Variants in NRCAM observed in about 807,000 individuals in gnomAD.
NRCAM encodes neuronal cell adhesion molecule.
NRCAM carries 83 observed loss-of-function variants against 156.5 expected under a neutral mutation model. The observed-to-expected ratio is 0.53, with a 90% CI of 0.44 to 0.64. The LOEUF (loss-of-function observed/expected upper bound fraction) is 0.64. Ranked by LOEUF, NRCAM falls within the 30% of genes least tolerant of loss-of-function variation. NRCAM has a pLI of 0.00. For synonymous variants in NRCAM, 538 were observed against 563.9 expected (o/e 0.95, Z 0.65); for missense variants, 1,417 against 1,597.3 (o/e 0.89, Z 1.92).
chr7:108,204,864 G>A (rs1383716486), intron 13 of NRCAM, among the ~76,000 whole-genome samples: 2 of 152,096 alleles, frequency 1.3e-5, no homozygotes, highest in African/African-American at 4.8e-5. Context: ...GACAATTTAG[G>A]GTTACAAGAG....
At chr7:108,174,551 T>A (rs557149399) in intron 28 of NRCAM, among the ~76,000 whole-genome samples, 1 of 152,232 alleles carries the variant, frequency 6.6e-6, no homozygotes, top group Admixed American at 6.5e-5. Context: ...GGTCAAAGAC[T>A]GGGGCATCTT....
intron 32 of NRCAM, among the ~76,000 whole-genome samples, chr7:108,155,101 T>TATATATATACACACACACACAC (rs1270777439): frequency 2.4e-5 from 3 of 123,102 alleles, no homozygotes; most frequent in African/African-American, 7.1e-5. Context: ...TATATATATA[T>TATATATATACACACACACACAC]ACACACACAC....
At chr7:108,255,214 G>A (rs1017099312) in intron 3 of NRCAM, among the ~76,000 whole-genome samples, 19 of 139,338 alleles carry the variant, frequency 1.4e-4, no homozygotes, top group African/African-American at 4.4e-4. Flanking sequence ...CCTCTGATGC[G>A]GAGCAGAGGC....
intron 3 of NRCAM, among the ~76,000 whole-genome samples, chr7:108,300,160 C>CTT (rs10665036): frequency 0.056 from 3,668 of 65,786 alleles, 525 homozygotes; most frequent in East Asian, 0.08. Flanking sequence ...TTTCTGTTGA[C>CTT]TTTTTTTTTT....
chr7:108,338,695 AAAAG>A (rs774025471), intron 2 of NRCAM, among the ~76,000 whole-genome samples: 26 of 152,228 alleles, frequency 1.7e-4, no homozygotes, highest in South Asian at 4.2e-4. Context: ...GAAAGAAAGA[AAAAG>A]AAATAGTAGA....
At chr7:108,446,321 T>C (rs1844128373) in intron 1 of NRCAM, among the ~76,000 whole-genome samples, 1 of 152,180 alleles carries the variant, frequency 6.6e-6, no homozygotes. Flanking sequence ...ATTATAAATG[T>C]TTGGTTTCTC....
intron 2 of NRCAM, among the ~76,000 whole-genome samples, chr7:108,389,607 T>C (rs1252272232): frequency 1.1e-4 from 17 of 152,210 alleles, no homozygotes; most frequent in Non-Finnish European, 2.5e-4. Context: ...ATAGGAGTGG[T>C]GAGAGAGGGT....
intron 2 of NRCAM, among the ~76,000 whole-genome samples, chr7:108,385,514 G>A (rs773742498): frequency 2.6e-5 from 4 of 152,214 alleles, no homozygotes; most frequent in Non-Finnish European, 4.4e-5. Flanking sequence ...CAAGGCTGAC[G>A]CTGAGCAAAA....
At chr7:108,433,758 C>A (rs956584645) in intron 1 of NRCAM, among the ~76,000 whole-genome samples, 2 of 152,214 alleles carry the variant, frequency 1.3e-5, no homozygotes, top group Admixed American at 6.5e-5. Flanking sequence ...TGAAACTGAG[C>A]AGATGCCAGC....
At chr7:108,401,531 A>T (rs1364780190) in intron 1 of NRCAM, among the ~76,000 whole-genome samples, 1 of 152,200 alleles carries the variant, frequency 6.6e-6, no homozygotes. Flanking sequence ...ACAGAGGAAG[A>T]TCCTGTCTCA....
Position 108,159,468 on chromosome 7 carries a change from T to C in NRCAM, c.3672A>G (p.Glu1224=), listed in dbSNP as rs1431716999. ...PMKEDDGTFG[E]YSDAEDHKPL... is the part of the protein sequence containing the mutation. ...GCAGAGAAGCAGGGGCTCACCTGTA[T>C]TCTCCAAATGTCCCATCATCTTCCT... The change falls in exon 32 of 33, where the codon GAA becomes GAG. Residue 1224 remains glutamate (E), a synonymous_variant. Coordinates refer to ENST00000379028, the MANE Select transcript of NRCAM (RefSeq NM_001037132.4). 4 of 1,613,062 alleles carry C rather than the reference T, an allele frequency of 2.5e-6. No individual in the cohort carries two copies. In the African/African-American group the frequency reaches 5.3e-5, roughly 22 times the overall value.
At chr7:108,418,771 C>A (rs1050735217) in intron 1 of NRCAM, among the ~76,000 whole-genome samples, 2 of 152,152 alleles carry the variant, frequency 1.3e-5, no homozygotes, top group African/African-American at 4.8e-5. Flanking sequence ...CATTTTAATA[C>A]AACTGTGTGG....
intron 11 of NRCAM, among the ~76,000 whole-genome samples, chr7:108,211,861 T>G (rs2084676788): frequency 6.6e-6 from 1 of 152,192 alleles, no homozygotes; most frequent in Admixed American, 6.5e-5. Flanking sequence ...TTGGGAGTTC[T>G]AGTGCTCCAC....
At chr7:108,412,790 C>A (rs1236055154) in intron 1 of NRCAM, among the ~76,000 whole-genome samples, 3 of 152,128 alleles carry the variant, frequency 2.0e-5, no homozygotes, top group African/African-American at 7.2e-5. Context: ...AAAGTAAGAT[C>A]ATGTGGTATT....
chr7:108,406,621 A>G (rs1365701455), intron 1 of NRCAM, among the ~76,000 whole-genome samples: 1 of 152,248 alleles, frequency 6.6e-6, no homozygotes, highest in Non-Finnish European at 1.5e-5. Flanking sequence ...CATATTGCCC[A>G]GTCTTCTTAC....
At chr7:108,430,984 G>A (rs535608214) in intron 1 of NRCAM, among the ~76,000 whole-genome samples, 1 of 152,070 alleles carries the variant, frequency 6.6e-6, no homozygotes, top group Non-Finnish European at 1.5e-5. Context: ...GATCATTGAG[G>A]TGTCCCCTAG....
intron 2 of NRCAM, among the ~76,000 whole-genome samples, chr7:108,380,020 G>A (rs1277055030): frequency 6.6e-6 from 1 of 152,054 alleles, no homozygotes; most frequent in African/African-American, 2.4e-5. Flanking sequence ...TATCAAGAAG[G>A]TTGAATAATA....
intron 2 of NRCAM, among the ~76,000 whole-genome samples, chr7:108,380,498 T>C (rs1254523432): frequency 6.6e-6 from 1 of 152,214 alleles, no homozygotes; most frequent in Non-Finnish European, 1.5e-5. Flanking sequence ...TTGGGTTTCC[T>C]ATTCTCTGTA....
Position 108,168,317 on chromosome 7 carries a change from T to C in NRCAM, c.3273A>G (p.Pro1091=), listed in dbSNP as rs750611660. 3 of 1,608,526 alleles carry C rather than the reference T, an allele frequency of 1.9e-6. No homozygotes were observed. Among genetic ancestry groups the C allele is most frequent in the Non-Finnish European group, 2.5e-6 (3 of 1,177,642 alleles). The stretch of plus-strand genomic sequence containing the variant: ...ATTCAACATAAAAGTTCACATGCTC[T>C]GGTCCCTCATATTCCCAACTGATAT... ...YANISWEYEG[P]EHVNFYVEYG... Residue 1091 remains proline (P), a synonymous_variant, in exon 29 of 33, where the codon CCA becomes CCG. Transcript: ENST00000379028.
Sources: gnomAD v4.1 joint callset for allele counts (sites outside exome capture counted in the v4.1 genomes callset) on GRCh38, gnomAD v4.1.1 for gene constraint, MANE v1.5 for transcripts, NCBI Gene and HGNC (gene_info 2026-07-23, HGNC 2026-07-21) for gene names.